Variants in CERS4 observed in about 807,000 individuals in gnomAD.
CERS4 encodes LAG1 homolog, ceramide synthase 4.
In CERS4, 65 loss-of-function variants were observed where a neutral mutation model predicts 51.8. That is an observed-to-expected ratio of 1.26 (90% CI 1.03 to 1.54). CERS4 has a LOEUF of 1.54. Among genes scored for constraint, CERS4 ranks in the 40% most tolerant of loss-of-function variants. The probability of loss-of-function intolerance (pLI) is 0.00; values close to 1 mark genes in which losing one functional copy is unlikely to be tolerated. For synonymous variants in CERS4, 228 were observed against 208.4 expected, an observed-to-expected ratio of 1.09 and a Z score of -0.81; for missense variants, 563 against 500.4, an observed-to-expected ratio of 1.13 and a Z score of -1.19.
chr19:8,218,067 C>T (rs1010795132), intron 2 of CERS4, among the ~76,000 whole-genome samples: 2 of 152,040 alleles, frequency 1.3e-5, no homozygotes, highest in South Asian at 2.1e-4. Flanking sequence ...CGGGTTCAAG[C>T]GATTCTACTG....
At chr19:8,254,167 C>A (rs1969240180) in intron 3 of CERS4, among the ~76,000 whole-genome samples, 1 of 151,440 alleles carries the variant, frequency 6.6e-6, no homozygotes, top group African/African-American at 2.4e-5. Flanking sequence ...CTAAAAAATA[C>A]AAAAAATTAG....
At chr19:8,245,625 C>T (rs1189978176) in intron 2 of CERS4, among the ~76,000 whole-genome samples, 3 of 151,082 alleles carry the variant, frequency 2.0e-5, no homozygotes, top group Non-Finnish European at 4.4e-5. Flanking sequence ...CTGCAGCCTC[C>T]GCCTCCCGGG....
At chr19:8,238,454 T>C in intron 2 of CERS4, 1 of 966,932 alleles carries the variant, frequency 1.0e-6, no homozygotes, top group Non-Finnish European at 1.2e-6. Context: ...TGCAGAGGCC[T>C]GGAGGCTTGG....
intron 2 of CERS4, among the ~76,000 whole-genome samples, chr19:8,212,430 C>A (rs1967117132): frequency 6.6e-6 from 1 of 152,004 alleles, no homozygotes; most frequent in Non-Finnish European, 1.5e-5. Flanking sequence ...CTGGAAATTG[C>A]CATGCTGCTA....
intron 10 of CERS4, among the ~76,000 whole-genome samples, chr19:8,258,677 TATTAAAA>T (rs201551782): frequency 0.018 from 2,688 of 152,162 alleles, 44 homozygotes; most frequent in Middle Eastern, 0.031. Context: ...ACCTTGTCTC[TATTAAAA>T]ATTAAAAATT....
intron 4 of CERS4, 138 bp from the exon 5 acceptor site, chr19:8,255,469 C>T: frequency 1.3e-6 from 1 of 753,354 alleles, no homozygotes; most frequent in African/African-American, 1.8e-5. Context: ...CCAACACTGC[C>T]CCTCCATATA....
chr19:8,215,244 C>T (rs1345459790), intron 2 of CERS4, among the ~76,000 whole-genome samples: 2 of 151,866 alleles, frequency 1.3e-5, no homozygotes, highest in East Asian at 1.9e-4. Flanking sequence ...TTTGGGAGGC[C>T]GATGTGGGTG....
In CERS4 at chr19:8,212,637, A is replaced by AT. The variant is rs1251381228; in HGVS notation, c.-2+1777dup. ...CAGGCATCTTACTGTTTTTTTAATT[A>AT]TTATTTTTTTTATTTTTTGGAATGG... On this transcript the variant is annotated intron_variant, in intron 2 of 11. Coordinates refer to ENST00000251363, the MANE Select transcript of CERS4 (RefSeq NM_024552.3). Among the ~76,000 whole-genome samples, 76 of 148,292 alleles carry AT rather than the reference A, an allele frequency of 5.1e-4. 1 individual carries two copies. The highest frequency in any genetic ancestry group is 1.1e-3 in the African/African-American group (43 of 39,910).
At chr19:8,253,739 C>G (rs908320988) in intron 3 of CERS4, among the ~76,000 whole-genome samples, 9 of 151,980 alleles carry the variant, frequency 5.9e-5, no homozygotes, top group African/African-American at 2.2e-4. Context: ...TACAGGTGCA[C>G]GCCACCACAC....
Position 8,258,231 on chromosome 19 carries a change from G to A in CERS4, c.848+246G>A, listed in dbSNP as rs755795072. On this transcript the variant is annotated intron_variant, in intron 10 of 11. Coordinates refer to ENST00000251363, the MANE Select transcript of CERS4 (RefSeq NM_024552.3). ...GTGGGAGGAAGGGTCAGGGCTGCCA[G>A]CGCACCAAAGTCTGCCCAGTAAATA... 3.9e-4 allele frequency among the ~76,000 whole-genome samples: 60 copies of A among 152,328 alleles called. 1 individual carries two copies. The highest frequency in any genetic ancestry group is 6.8e-4 in the Non-Finnish European group (46 of 68,030).
At chr19:8,222,837 G>A (rs1345924613) in intron 2 of CERS4, among the ~76,000 whole-genome samples, 1 of 152,180 alleles carries the variant, frequency 6.6e-6, no homozygotes, top group Non-Finnish European at 1.5e-5. Flanking sequence ...GTGCCTCACA[G>A]CACAGGTGGA....
chr19:8,229,374 CCTTCTTCTTCTTTCTTCTTTTTT>C (rs1188818708), intron 2 of CERS4, among the ~76,000 whole-genome samples: 5 of 147,934 alleles, frequency 3.4e-5, no homozygotes, highest in Admixed American at 2.8e-4. Context: ...ACCCTTAGAG[CCTTCTTCTTCTTTCTTCTTTTTT>C]CTTCTTCTTC....
chr19:8,241,477 C>A (rs1239422026), intron 2 of CERS4: 1 of 152,062 alleles, frequency 6.6e-6, no homozygotes, highest in Non-Finnish European at 1.5e-5. Context: ...ACTATGCCCA[C>A]CTAATTTTTA....
At chr19:8,242,378 T>A (rs1968574222) in intron 2 of CERS4, among the ~76,000 whole-genome samples, 1 of 152,144 alleles carries the variant, frequency 6.6e-6, no homozygotes, top group African/African-American at 2.4e-5. Context: ...GCTCCCTGGT[T>A]TAGAAAGTGC....
intron 6 of CERS4, 77 bp from the exon 7 acceptor site, chr19:8,256,159 G>A (rs1969368895): frequency 7.6e-6 from 11 of 1,455,336 alleles, no homozygotes; most frequent in Non-Finnish European, 1.0e-5. Context: ...TGTGGAAGGA[G>A]AACCAAAGAG....
chr19:8,217,885 C>G (rs540443582), intron 2 of CERS4, among the ~76,000 whole-genome samples: 1 of 152,214 alleles, frequency 6.6e-6, no homozygotes, highest in African/African-American at 2.4e-5. Flanking sequence ...GCTGGCCAGA[C>G]TGGTCTCGAA....
intron 2 of CERS4, among the ~76,000 whole-genome samples, chr19:8,247,732 C>CTCT (rs1568526011): frequency 7.6e-6 from 1 of 131,160 alleles, no homozygotes; most frequent in Non-Finnish European, 1.6e-5. Flanking sequence ...ACCTCCGCAT[C>CTCT]TTTTTTTTTT....
In CERS4 at chr19:8,234,542, A is replaced by ATTTTTTT. The variant is rs35971828; in HGVS notation, c.-1-16512_-1-16506dup. ...CCCTTCCCCTGGCACCCACCATTCT[A>ATTTTTTT]TTTTTTTTTTTTTTTTTTTTTTTTT... On this transcript the variant is annotated intron_variant, in intron 2 of 11. Coordinates refer to ENST00000251363, the MANE Select transcript of CERS4 (RefSeq NM_024552.3). Among the ~76,000 whole-genome samples, 10 of 54,158 alleles carry ATTTTTTT rather than the reference A, an allele frequency of 1.8e-4. No individual in the cohort carries two copies. In the East Asian group the frequency reaches 2.0e-3, roughly 11 times the overall value. The allele number at this position is 54,158 out of a possible 152,430, so 35.5% of individuals were successfully genotyped here. A position where few individuals can be genotyped will look rare whatever the true frequency, so the allele number is the denominator to read the frequency against.
chr19:8,218,092 G>A (rs1361544215), intron 2 of CERS4, among the ~76,000 whole-genome samples: 2 of 152,184 alleles, frequency 1.3e-5, no homozygotes, highest in Non-Finnish European at 2.9e-5. Flanking sequence ...AGCCTCCCAA[G>A]TAACTGGGAT....
Sources: allele counts gnomAD v4.1 joint callset (sites outside exome capture counted in the v4.1 genomes callset), GRCh38; gene constraint gnomAD v4.1.1; transcripts MANE v1.5; gene names NCBI Gene and HGNC (gene_info 2026-07-23, HGNC 2026-07-21).